RAB3GAP1: variants seen among roughly 807,000 people sequenced by gnomAD.
RAB3GAP1 encodes the protein rab3 GTPase-activating protein catalytic subunit.
Under a neutral mutation model 130.7 loss-of-function variants are expected in RAB3GAP1, and 86 were observed. That is an observed-to-expected ratio of 0.66 (90% CI 0.55 to 0.79). The LOEUF is 0.79. Among genes scored for constraint, RAB3GAP1 ranks in the 30% least tolerant of loss-of-function variants. The pLI, the probability that RAB3GAP1 is intolerant of heterozygous loss-of-function variation, is 0.00. For missense variants in RAB3GAP1, 1,029 were observed against 1,169.4 expected (o/e 0.88, Z 1.75); for synonymous variants, 367 against 401.7 (o/e 0.91, Z 1.03).
intron 5 of RAB3GAP1, among the ~76,000 whole-genome samples, chr2:135,100,720 T>G (rs1690426010): frequency 6.6e-6 from 1 of 152,270 alleles, no homozygotes; most frequent in Non-Finnish European, 1.5e-5. Context: ...AAACATTTAC[T>G]GTGATCCAGA....
chr2:135,169,825 G>A lies in RAB3GAP1; in HGVS notation c.*1044G>A. The A allele has an allele frequency of 2.2e-6, 1 of 450,342 alleles. No individual in the cohort carries two copies. Among genetic ancestry groups the A allele is most frequent in the Admixed American group, 2.4e-5 (1 of 41,808 alleles). The allele number at this position is 450,342 out of a possible 1,614,324, so 27.9% of individuals were successfully genotyped here. A position where few individuals can be genotyped will look rare whatever the true frequency, so the allele number is the denominator to read the frequency against. ...ATGGAGCTCAAGATGTCTTGTGTCT[G>A]TGTGGCTAGATGGCCTCTGCTTGGT... On this transcript the variant is annotated 3_prime_UTR_variant, in exon 24 of 24. Coordinates refer to ENST00000264158, the MANE Select transcript of RAB3GAP1 (RefSeq NM_012233.3).
At chr2:135,068,206 A>G (rs1689374991) in intron 3 of RAB3GAP1, among the ~76,000 whole-genome samples, 1 of 152,212 alleles carries the variant, frequency 6.6e-6, no homozygotes, top group Admixed American at 6.5e-5. Context: ...TATGTAATAT[A>G]TTCTGGCTGA....
intron 18 of RAB3GAP1, among the ~76,000 whole-genome samples, chr2:135,152,340 T>C (rs1405361425): frequency 6.6e-6 from 1 of 152,214 alleles, no homozygotes; most frequent in African/African-American, 2.4e-5. Context: ...ACCTTGGCCT[T>C]CTCTTGGTAG....
intron 3 of RAB3GAP1, among the ~76,000 whole-genome samples, chr2:135,070,813 A>G (rs1689451390): frequency 6.6e-6 from 1 of 152,204 alleles, no homozygotes; most frequent in African/African-American, 2.4e-5. Flanking sequence ...TTCTTAATCC[A>G]GAGTCTTGGG....
chr2:135,135,241 T>C, intron 15 of RAB3GAP1, 24 bp from the exon 16 acceptor site: 1 of 1,591,552 alleles, frequency 6.3e-7, no homozygotes, highest in South Asian at 1.1e-5. Flanking sequence ...CTAAGCTTTC[T>C]TTTCTCCTTA....
At chr2:135,142,199 C>T (rs1691864071) in intron 17 of RAB3GAP1, among the ~76,000 whole-genome samples, 1 of 152,012 alleles carries the variant, frequency 6.6e-6, no homozygotes, top group South Asian at 2.1e-4. Flanking sequence ...TTTAAAGTTT[C>T]TGTTCATTTA....
At chr2:135,138,167 G>A (rs1691730643) in intron 17 of RAB3GAP1, among the ~76,000 whole-genome samples, 1 of 151,474 alleles carries the variant, frequency 6.6e-6, no homozygotes. Flanking sequence ...TAGTAAAAAT[G>A]AAAGAGGCTC....
intron 17 of RAB3GAP1, among the ~76,000 whole-genome samples, chr2:135,144,414 A>G (rs987176896): frequency 6.6e-6 from 1 of 152,186 alleles, no homozygotes; most frequent in Non-Finnish European, 1.5e-5. Context: ...AGTACGCAAA[A>G]TGGGCTAAAA....
chr2:135,164,226 AT>A (rs1316764625), intron 22 of RAB3GAP1, among the ~76,000 whole-genome samples: 1 of 152,232 alleles, frequency 6.6e-6, no homozygotes, highest in Admixed American at 6.5e-5. Context: ...AATATGGATC[AT>A]TGCTTTTATT....
chr2:135,156,293 A>C (rs1010232031), intron 19 of RAB3GAP1, among the ~76,000 whole-genome samples: 11 of 152,212 alleles, frequency 7.2e-5, no homozygotes, highest in Non-Finnish European at 1.5e-4. Context: ...TACATAAATT[A>C]TTTCAACACA....
chr2:135,103,705 A>G (rs1412097394), intron 5 of RAB3GAP1, among the ~76,000 whole-genome samples: 1 of 151,942 alleles, frequency 6.6e-6, no homozygotes, highest in Non-Finnish European at 1.5e-5. Context: ...TTGCCAGATG[A>G]GCAGGTTTAA....
At chr2:135,081,359 T>TATATAC (rs1553440468) in intron 3 of RAB3GAP1, among the ~76,000 whole-genome samples, 4 of 81,084 alleles carry the variant, frequency 4.9e-5, no homozygotes, top group East Asian at 3.8e-4. Flanking sequence ...TATATATATA[T>TATATAC]ATACACACAC....
At chr2:135,086,056 T>C (rs895168409) in intron 3 of RAB3GAP1, among the ~76,000 whole-genome samples, 4 of 152,226 alleles carry the variant, frequency 2.6e-5, no homozygotes, top group Admixed American at 1.3e-4. Flanking sequence ...GAACATGATG[T>C]TTTAAAAATT....
intron 8 of RAB3GAP1, among the ~76,000 whole-genome samples, 172 bp downstream of exon 8, chr2:135,121,090 AGAAAAACTGTAG>A (rs1198896360): frequency 3.9e-5 from 6 of 152,214 alleles, no homozygotes; most frequent in Admixed American, 3.9e-4. Context: ...TTTCTCTTGA[AGAAAAACTGTAG>A]GTTTTCTAGA....
At position 135,169,807 on chromosome 2, in the gene RAB3GAP1, T is replaced by C. The variant is rs944883735; in HGVS notation, c.*1026T>C. On this transcript the variant is annotated 3_prime_UTR_variant, in exon 24 of 24. Transcript: ENST00000264158. Reference sequence around the variant, plus strand: ...CACCACATTTCTAGTTTCATGGAGCTCAAGATGTCTTGTGTCTGTGTGGCT... The same window carrying C: ...CACCACATTTCTAGTTTCATGGAGCCCAAGATGTCTTGTGTCTGTGTGGCT... 2.4e-5 allele frequency: 11 copies of C among 455,106 alleles called. No individual in the cohort carries two copies. Among genetic ancestry groups the C allele is most frequent in the Non-Finnish European group, 4.9e-5 (11 of 226,154 alleles). The allele number at this position is 455,106 out of a possible 1,614,324, so 28.2% of individuals were successfully genotyped here.
intron 5 of RAB3GAP1, among the ~76,000 whole-genome samples, chr2:135,094,481 C>G (rs1233152472): frequency 1.3e-5 from 2 of 152,116 alleles, no homozygotes; most frequent in African/African-American, 4.8e-5. Context: ...AATGCTAGAT[C>G]TTACTTTTTC....
intron 2 of RAB3GAP1, among the ~76,000 whole-genome samples, chr2:135,053,077 G>A (rs1210556774): frequency 1.3e-5 from 2 of 152,144 alleles, no homozygotes; most frequent in Non-Finnish European, 2.9e-5. Flanking sequence ...CTGCGGCCTC[G>A]AACTCCTAGG....
chr2:135,162,644 G>A lies in RAB3GAP1; in HGVS notation c.2379G>A (p.Lys793=). The stretch of plus-strand genomic sequence containing the variant: ...TTCATGCAGCTGTACTCAAGGTAAA[G>A]GAAGAAGGTAAATGTCATATTTAAC... The part of the protein sequence containing the change: ...CVIHAAVLKV[K]EEESLENISS... Residue 793 remains lysine (K), a synonymous_variant, in exon 20 of 24, where the codon AAG becomes AAA. Transcript: ENST00000264158. The A allele has an allele frequency of 6.2e-7, 1 of 1,613,700 alleles. No homozygotes were observed. The highest frequency in any genetic ancestry group is 8.5e-7 in the Non-Finnish European group (1 of 1,179,566).
rs1310618422 is a variant in RAB3GAP1, at chr2:135,130,093, C to T, written c.1066+6C>T. The T allele has an allele frequency of 5.6e-6, 9 of 1,604,222 alleles. No homozygotes were observed. The highest frequency in any genetic ancestry group is 4.0e-5 in the African/African-American group (3 of 74,604). Reference sequence around the variant, plus strand: ...ATTTGAGGAAGAAGGCAAAGGTAACCTACATTTTTTTTTAACATTACTTTC... The same window carrying T: ...ATTTGAGGAAGAAGGCAAAGGTAACTTACATTTTTTTTTAACATTACTTTC... On this transcript the variant is annotated splice_donor_region_variant and intron_variant, in intron 12 of 23. Transcript: ENST00000264158.
Sources: allele counts gnomAD v4.1 joint callset (sites outside exome capture counted in the v4.1 genomes callset), GRCh38; gene constraint gnomAD v4.1.1; transcripts MANE v1.5; gene names NCBI Gene and HGNC (gene_info 2026-07-23, HGNC 2026-07-21).